Variants in CTNNB1 observed in about 807,000 individuals in gnomAD.
The protein encoded by CTNNB1 is catenin beta 1.
A neutral mutation model predicts 82.5 loss-of-function variants in CTNNB1; 6 were observed. That is an observed-to-expected ratio of 0.07 (90% CI 0.04 to 0.14). The LOEUF is 0.14. Ranked by LOEUF, CTNNB1 falls within the 10% of genes least tolerant of loss-of-function variation. The pLI is 1.00. For synonymous variants in CTNNB1, 312 were observed against 329.7 expected, an observed-to-expected ratio of 0.95 and a Z score of 0.58; for missense variants, 529 against 980.4, an observed-to-expected ratio of 0.54 and a Z score of 6.15.
At chr3:41,202,100 A>C (rs745630107) in intron 1 of CTNNB1, among the ~76,000 whole-genome samples, 15 of 152,214 alleles carry the variant, frequency 9.9e-5, no homozygotes, top group Non-Finnish European at 1.5e-4. Flanking sequence ...GAATATAATT[A>C]TTTTGTAGTT....
chr3:41,225,240 C>CA lies in CTNNB1; in HGVS notation c.495+33_495+34insA. The CA allele has an allele frequency of 6.2e-7, 1 of 1,614,000 alleles. No individual in the cohort carries two copies. Among genetic ancestry groups the CA allele is most frequent in the Admixed American group, 1.7e-5 (1 of 59,972 alleles). On this transcript the variant is annotated intron_variant, in intron 4 of 14. Coordinates refer to ENST00000349496, the MANE Select transcript of CTNNB1 (RefSeq NM_001904.4). This position sits in a 1 kb window ranked among gnomAD's most constrained non-coding sequence, Gnocchi z 5.3. ...ATGACATAGCTAGCTTTTTAGTCTG[C>CA]TTTGAAGTAAATGCTCAAGGGGAGT... is the stretch of plus-strand genomic sequence containing the variant.
chr3:41,200,177 G>A (rs943193949), intron 1 of CTNNB1: 1 of 152,232 alleles, frequency 6.6e-6, no homozygotes, highest in Non-Finnish European at 1.5e-5. Context: ...GATCGGACCA[G>A]TGGACTTTCT....
chr3:41,214,992 G>A (rs2077881049), intron 1 of CTNNB1, among the ~76,000 whole-genome samples: 1 of 152,014 alleles, frequency 6.6e-6, no homozygotes, highest in Non-Finnish European at 1.5e-5. Flanking sequence ...ACTTTCTGAT[G>A]CTTTACAGAA....
intron 11 of CTNNB1, chr3:41,236,074 C>A: frequency 1.5e-6 from 1 of 686,988 alleles, no homozygotes; most frequent in Non-Finnish European, 2.4e-6. Flanking sequence ...CCTGGGCTGC[C>A]AGAGGCAGGG....
chr3:41,217,003 C>T (rs1416786591), intron 1 of CTNNB1, among the ~76,000 whole-genome samples: 2 of 152,150 alleles, frequency 1.3e-5, no homozygotes, highest in Non-Finnish European at 2.9e-5. Context: ...TTTTAGAAAG[C>T]CTAAGTCATA....
chr3:41,201,197 T>C (rs1025424068), intron 1 of CTNNB1, among the ~76,000 whole-genome samples: 10 of 152,224 alleles, frequency 6.6e-5, no homozygotes, highest in African/African-American at 2.2e-4. Flanking sequence ...TAAGAAATAG[T>C]AAATATAGTC....
intron 10 of CTNNB1, 109 bp downstream of exon 10, chr3:41,234,406 A>G: frequency 9.4e-7 from 1 of 1,058,870 alleles, no homozygotes; most frequent in South Asian, 1.3e-5. Flanking sequence ...GTCTTCCTGA[A>G]GAGCTAATGA....
chr3:41,231,123 C>T (rs988976698), intron 7 of CTNNB1, among the ~76,000 whole-genome samples: 9 of 151,942 alleles, frequency 5.9e-5, no homozygotes, highest in African/African-American at 1.2e-4. Context: ...GTCAGGAGAT[C>T]GAGACCAGCC....
At chr3:41,201,931 C>A (rs2077541117) in intron 1 of CTNNB1, among the ~76,000 whole-genome samples, 1 of 151,962 alleles carries the variant, frequency 6.6e-6, no homozygotes, top group Non-Finnish European at 1.5e-5. Context: ...TTTAATAACA[C>A]CACCACCAAG....
chr3:41,216,947 A>G (rs1043502898), intron 1 of CTNNB1, among the ~76,000 whole-genome samples: 5 of 151,980 alleles, frequency 3.3e-5, no homozygotes, highest in African/African-American at 9.7e-5. Flanking sequence ...CTACTTTGCT[A>G]TTGCCCCTTA....
intron 1 of CTNNB1, among the ~76,000 whole-genome samples, chr3:41,212,810 G>C (rs1350499834): frequency 1.2e-4 from 18 of 152,178 alleles, no homozygotes; most frequent in Admixed American, 1.2e-3. Context: ...CTTTATTCCT[G>C]TTATTTAATT....
intron 6 of CTNNB1, among the ~76,000 whole-genome samples, chr3:41,226,149 G>C (rs2078171616): frequency 1.3e-5 from 2 of 152,142 alleles, no homozygotes; most frequent in South Asian, 4.1e-4. Flanking sequence ...TCTGACAGGA[G>C]GTAGAGCTCA....
chr3:41,209,572 C>T (rs779778214), intron 1 of CTNNB1, among the ~76,000 whole-genome samples: 6 of 152,098 alleles, frequency 3.9e-5, no homozygotes, highest in East Asian at 1.9e-4. Context: ...TTCAGAAATG[C>T]GTCATTAGGA....
In CTNNB1 at chr3:41,225,449, A is replaced by G. The variant is rs780996852; in HGVS notation, c.611A>G (p.Asn204Ser). The change falls in exon 5 of 15, where the codon AAT becomes AGT. Residue 204 changes from asparagine (N) to serine (S), a missense_variant. This residue lies in a region of CTNNB1 where 411 missense variants were observed against 776.4 expected (regional missense o/e 0.53). Transcript: ENST00000349496. This position sits in a 1 kb window ranked among gnomAD's most constrained non-coding sequence, Gnocchi z 5.3. ...TCTGCTATTGTACGTACCATGCAGAATACAAATGATGTAGAAACAGCTCGT... is the reference window on the plus strand; with the variant it reads ...TCTGCTATTGTACGTACCATGCAGAGTACAAATGATGTAGAAACAGCTCGT... Reference protein sequence around the residue: ...MVSAIVRTMQNTNDVETARCT... With the variant: ...MVSAIVRTMQSTNDVETARCT... 1.9e-6 allele frequency: 3 copies of G among 1,613,960 alleles called. No individual in the cohort carries two copies.
chr3:41,217,394 T>C (rs560920991), intron 1 of CTNNB1, among the ~76,000 whole-genome samples: 6 of 152,350 alleles, frequency 3.9e-5, no homozygotes, highest in African/African-American at 1.4e-4. Context: ...ATGATCTTGT[T>C]GACTCTCTTA....
chr3:41,203,084 A>G (rs1207403500), intron 1 of CTNNB1, among the ~76,000 whole-genome samples: 2 of 148,976 alleles, frequency 1.3e-5, no homozygotes, highest in Non-Finnish European at 3.0e-5. Context: ...CTGTTAAGAG[A>G]CATTCCCCAC....
chr3:41,233,308 G>T, intron 7 of CTNNB1, 33 bp from the exon 8 acceptor site: 2 of 1,580,140 alleles, frequency 1.3e-6, no homozygotes, highest in Non-Finnish European at 1.7e-6. Flanking sequence ...TCTAGCTAAT[G>T]ACTAGGGCCT....
chr3:41,237,047 T>C (rs191822934), intron 13 of CTNNB1: 5 of 427,772 alleles, frequency 1.2e-5, no homozygotes, highest in Non-Finnish European at 2.1e-5. Flanking sequence ...TTTATCAGTA[T>C]TTTTTACTAA....
At position 41,240,232 on chromosome 3, in the gene CTNNB1, A is replaced by T. The variant is rs955280945; in HGVS notation, c.*890A>T. 6 of 195,958 alleles carry T rather than the reference A, an allele frequency of 3.1e-5. No individual in the cohort carries two copies. In the Admixed American group the frequency reaches 3.6e-4, roughly 12 times the overall value. 12.1% of individuals were successfully genotyped at this position (195,958 alleles called of 1,614,324 possible). ...GTTTCCTTTTTAATATGCTTAAAAT[A>T]AGCAGGTGGATCTATTTCATGTTTT... On this transcript the variant is annotated 3_prime_UTR_variant, in exon 15 of 15. Transcript: ENST00000349496.
Sources: gnomAD v4.1 joint callset for allele counts (sites outside exome capture counted in the v4.1 genomes callset) on GRCh38, gnomAD v4.1.1 for gene constraint, gnomAD v4.1.1 regional missense constraint, Gnocchi (gnomAD v3.1) non-coding constraint, MANE v1.5 for transcripts, NCBI Gene and HGNC (gene_info 2026-07-23, HGNC 2026-07-21) for gene names.